Variants in MGRN1 observed in about 807,000 individuals in gnomAD.
MGRN1 encodes mahogunin ring finger 1, also known as E3 ubiquitin-protein ligase MGRN1.
In MGRN1, 29 loss-of-function variants were observed where a neutral mutation model predicts 69.2. The ratio of observed to expected loss-of-function variants is 0.42; its 90% CI spans 0.31 to 0.57. The LOEUF (loss-of-function observed/expected upper bound fraction) is 0.57, where lower values mean the gene tolerates loss of function less well. Ranked by LOEUF, MGRN1 falls within the 20% of genes least tolerant of loss-of-function variation. The pLI is 0.15. For missense variants in MGRN1, 998 were observed against 796.2 expected (o/e 1.25, Z -3.05); for synonymous variants, 470 against 344.2 (o/e 1.37, Z -4.04).
chr16:4,685,778 C>T (rs777605169), intron 16 of MGRN1, among the ~76,000 whole-genome samples: 3 of 152,250 alleles, frequency 2.0e-5, no homozygotes, highest in African/African-American at 7.2e-5. Context: ...CATGAACACA[C>T]GCCAGAGCCT....
chr16:4,673,744 G>A, intron 10 of MGRN1, 87 bp downstream of exon 10: 2 of 1,492,980 alleles, frequency 1.3e-6, no homozygotes, highest in South Asian at 1.2e-5. Context: ...GGGGGCCACA[G>A]GTCCGTTGAT....
At chr16:4,671,586 C>G (rs558775241) in intron 9 of MGRN1, 127 bp downstream of exon 9, 29 of 709,306 alleles carry the variant, frequency 4.1e-5, no homozygotes, top group Non-Finnish European at 6.6e-5. Context: ...TAGACAACAT[C>G]ATTTTTCCTT....
At chr16:4,632,152 G>A (rs1265861273) in intron 1 of MGRN1, among the ~76,000 whole-genome samples, 2 of 150,944 alleles carry the variant, frequency 1.3e-5, no homozygotes, top group African/African-American at 4.9e-5. Flanking sequence ...GTGTTGCTGG[G>A]ACTACAGGTG....
intron 1 of MGRN1, among the ~76,000 whole-genome samples, chr16:4,636,658 G>C (rs939595937): frequency 2.0e-5 from 3 of 152,172 alleles, no homozygotes; most frequent in Non-Finnish European, 4.4e-5. Context: ...CTGGCACTAG[G>C]TAGGGTGAGG....
chr16:4,636,973 G>T (rs1031102381), intron 1 of MGRN1, among the ~76,000 whole-genome samples: 1 of 151,716 alleles, frequency 6.6e-6, no homozygotes, highest in East Asian at 1.9e-4. Flanking sequence ...CAAACAATTA[G>T]CAGGGCACGG....
chr16:4,685,046 C>G (rs1238179460), intron 16 of MGRN1, among the ~76,000 whole-genome samples: 1 of 152,380 alleles, frequency 6.6e-6, no homozygotes, highest in African/African-American at 2.4e-5. Flanking sequence ...GTCGCAGGTG[C>G]AGGAGCAGGC....
intron 1 of MGRN1, among the ~76,000 whole-genome samples, chr16:4,631,218 C>G (rs576709706): frequency 6.6e-6 from 1 of 152,290 alleles, no homozygotes; most frequent in African/African-American, 2.4e-5. Flanking sequence ...GTTGTAGAGA[C>G]TATCATCTTC....
chr16:4,655,758 C>T (rs1044233146), intron 4 of MGRN1, among the ~76,000 whole-genome samples: 17 of 152,198 alleles, frequency 1.1e-4, no homozygotes, highest in African/African-American at 1.9e-4. Context: ...CCCAGGCACC[C>T]GGACACCATC....
chr16:4,671,281 C>T (rs540306878), intron 8 of MGRN1, 110 bp from the exon 9 acceptor site: 8 of 1,044,764 alleles, frequency 7.7e-6, no homozygotes, highest in East Asian at 7.2e-5. Flanking sequence ...CTGGACTGAC[C>T]CCTGGTATGG....
chr16:4,673,159 C>G lies in MGRN1; in HGVS notation c.796-339C>G, dbSNP rs2078978810. Reference sequence around the variant, plus strand: ...GACCATTAACTTGGTTTTTTTTAAACCAAAGATAACGGGTACCCTGACCCT... The same window carrying G: ...GACCATTAACTTGGTTTTTTTTAAAGCAAAGATAACGGGTACCCTGACCCT... On this transcript the variant is annotated intron_variant, in intron 9 of 16. Coordinates refer to ENST00000262370, the MANE Select transcript of MGRN1 (RefSeq NM_015246.4). 3.3e-5 allele frequency among the ~76,000 whole-genome samples: 5 copies of G among 152,230 alleles called. 1 individual carries two copies. The South Asian group carries it at 8.3e-4, about 25-fold the overall frequency.
In MGRN1 at chr16:4,689,311, A is replaced by G. The variant is rs1156938794; in HGVS notation, c.*403A>G. The G allele has an allele frequency of 2.3e-5, 4 of 170,758 alleles. No homozygotes were observed. Among genetic ancestry groups the G allele is most frequent in the Non-Finnish European group, 2.5e-5 (2 of 80,594 alleles). The allele number at this position is 170,758 out of a possible 1,614,324, so 10.6% of individuals were successfully genotyped here. On this transcript the variant is annotated 3_prime_UTR_variant, in exon 17 of 17. Coordinates refer to ENST00000262370, the MANE Select transcript of MGRN1 (RefSeq NM_015246.4). ...AGAACTGATTGGTGGTCGAAGCACC[A>G]TCTTCACAGATGTTCAGGGGCAGTG...
Position 4,652,689 on chromosome 16 carries a change from A to C in MGRN1, c.308A>C (p.Asp103Ala), listed in dbSNP as rs765865730. Residue 103 changes from aspartate to alanine, a missense_variant, in exon 4 of 17, where the codon GAT (aspartate) becomes GCT (alanine). Physicochemically the swap from Asp to Ala is moderately radical, Grantham distance 126. Coordinates refer to ENST00000262370, the MANE Select transcript of MGRN1 (RefSeq NM_015246.4). ...DSLRLVRYKD[D>A]ADSPTEDGDK... is the part of the protein sequence containing the mutation. ...ACCGCCTGGGGTAGGTACAAAGACG[A>C]TGCCGACAGCCCCACCGAGGACGGC... 5 of 1,612,546 alleles carry C rather than the reference A, an allele frequency of 3.1e-6. No homozygotes were observed. In the South Asian group the frequency reaches 4.4e-5, roughly 14 times the overall value.
Position 4,652,797 on chromosome 16 carries a change from C to T in MGRN1, c.416C>T (p.Ser139Leu), listed in dbSNP as rs760005992. The change falls in exon 4 of 17, where the codon TCG becomes TTG. Residue 139 changes from serine to leucine, a missense_variant. Transcript: ENST00000262370. Reference protein sequence around the residue: ...RVAITIYCQASEEFLNGRAVY... With the variant: ...RVAITIYCQALEEFLNGRAVY... ...GCCATCACCATCTACTGCCAGGCAT[C>T]GGAGGAGTTCCTGAACGGCAGGGCA... The T allele has an allele frequency of 1.6e-5, 26 of 1,610,250 alleles. No individual in the cohort carries two copies. In the East Asian group the frequency reaches 2.5e-4, roughly 15 times the overall value.
At chr16:4,677,114 C>A (rs2079069722) in intron 10 of MGRN1, 1 of 192,130 alleles carries the variant, frequency 5.2e-6, no homozygotes, top group Non-Finnish European at 1.1e-5. Context: ...TTGGAAACAC[C>A]CTCTGGAGCC....
At chr16:4,630,088 G>C (rs9933655) in intron 1 of MGRN1, among the ~76,000 whole-genome samples, 1 of 145,046 alleles carries the variant, frequency 6.9e-6, no homozygotes, top group Non-Finnish European at 1.5e-5. Context: ...GCAGTGGCTC[G>C]CGCCTGTAAT....
In MGRN1 at chr16:4,629,922, C is replaced by T. The variant is rs1390531163; in HGVS notation, c.88+4874C>T. 8.1e-5 allele frequency among the ~76,000 whole-genome samples: 12 copies of T among 147,916 alleles called. 1 individual carries two copies. Among genetic ancestry groups the T allele is most frequent in the Admixed American group, 2.0e-4 (3 of 14,826 alleles). ...TGAGCTGGACGCAATGGCGCACGCCCGTAATCCCAGCTACTCAGGAGGCTG... is the reference window on the plus strand; with the variant it reads ...TGAGCTGGACGCAATGGCGCACGCCTGTAATCCCAGCTACTCAGGAGGCTG... On this transcript the variant is annotated intron_variant, in intron 1 of 16. Transcript: ENST00000262370.
intron 8 of MGRN1, among the ~76,000 whole-genome samples, chr16:4,668,654 A>G (rs2078864195): frequency 2.0e-5 from 3 of 151,614 alleles, no homozygotes; most frequent in Admixed American, 6.6e-5. Context: ...ACACACTCAT[A>G]TACTCAGTCA....
intron 8 of MGRN1, among the ~76,000 whole-genome samples, chr16:4,671,096 A>C (rs919521952): frequency 2.0e-5 from 3 of 152,080 alleles, no homozygotes. Flanking sequence ...TGGTGGAGCC[A>C]AGTGGTGTTG....
chr16:4,676,078 G>A (rs1175445864), intron 10 of MGRN1, among the ~76,000 whole-genome samples: 3 of 152,258 alleles, frequency 2.0e-5, no homozygotes, highest in East Asian at 1.9e-4. Context: ...CAAGCCGGGC[G>A]TGGGGCTGTG....
Sources: allele counts gnomAD v4.1 joint callset (sites outside exome capture counted in the v4.1 genomes callset), GRCh38; gene constraint gnomAD v4.1.1; transcripts MANE v1.5; gene names NCBI Gene and HGNC (gene_info 2026-07-23, HGNC 2026-07-21).